The following CRYBG2 variants were observed in gnomAD, a reference collection of about 807,000 sequenced individuals.
CRYBG2 encodes crystallin beta-gamma domain containing 2, also known as beta/gamma crystallin domain-containing protein 2.
A neutral mutation model predicts 153.4 loss-of-function variants in CRYBG2; 106 were observed. The observed-to-expected ratio is 0.69, with a 90% CI of 0.59 to 0.81. The LOEUF (loss-of-function observed/expected upper bound fraction) is 0.81. Among genes scored for constraint, CRYBG2 ranks in the 30% least tolerant of loss-of-function variants. The pLI, the probability that CRYBG2 is intolerant of heterozygous loss-of-function variation, is 0.00. For synonymous variants in CRYBG2, 851 were observed against 877.8 expected (o/e 0.97, Z 0.54); for missense variants, 1,996 against 2,112.0 (o/e 0.95, Z 1.08).
chr1:26,342,513 C>T (rs552178228), intron 5 of CRYBG2, among the ~76,000 whole-genome samples: 1 of 152,286 alleles, frequency 6.6e-6, no homozygotes, highest in Admixed American at 6.5e-5. Context: ...AATTCTCCTG[C>T]CTCAGCCTCC....
In CRYBG2 at chr1:26,344,015, T is replaced by G. The variant is rs2074167614; in HGVS notation, c.2643A>C (p.Ala881=). The G allele has an allele frequency of 2.0e-6, 3 of 1,536,060 alleles. No individual in the cohort carries two copies. The African/African-American group carries it at 4.1e-5, about 21-fold the overall frequency. ...GCTCTGAGTGGGGGCCCTTGGTTCC[T>G]GCTACATGCTTCTTCATCATCTCCA... ...SPLEMMKKHV[A]GTKGPHSELG... Residue 881 remains alanine, a synonymous_variant, in exon 2 of 20, where the codon GCA becomes GCC. Coordinates refer to ENST00000308182, the MANE Select transcript of CRYBG2 (RefSeq NM_001039775.4).
rs371752661 is a variant in CRYBG2, at chr1:26,346,630, G to A, written c.28C>T (p.Arg10Trp). 6.2e-5 allele frequency: 97 copies of A among 1,555,210 alleles called. No homozygotes were observed. The highest frequency in any genetic ancestry group is 1.7e-4 in the Middle Eastern group (1 of 6,004). MEEAGGPMARAKARVVSATL... is the reference protein window; with the variant it reads MEEAGGPMAWAKARVVSATL... Reference sequence around the variant, plus strand: ...GCACTTACCACTCGGGCCTTGGCCCGGGCCATGGGCCCACCTGCCTCCTCC... The same window carrying A: ...GCACTTACCACTCGGGCCTTGGCCCAGGCCATGGGCCCACCTGCCTCCTCC... The change falls in exon 2 of 20, where the codon CGG becomes TGG. Residue 10 changes from arginine (R) to tryptophan (W), a missense_variant. Coordinates refer to ENST00000308182, the MANE Select transcript of CRYBG2 (RefSeq NM_001039775.4). The surrounding 1 kb of genome is among the most constrained non-coding windows in gnomAD (Gnocchi z 4.9).
intron 16 of CRYBG2, 49 bp from the exon 17 acceptor site, chr1:26,328,381 A>T (rs1383022471): frequency 6.5e-7 from 1 of 1,546,326 alleles, no homozygotes; most frequent in Non-Finnish European, 8.7e-7. Flanking sequence ...AGACACACAG[A>T]CAGACAGACA....
At chr1:26,348,978 G>A (rs1324180820) in intron 1 of CRYBG2, among the ~76,000 whole-genome samples, 2 of 151,992 alleles carry the variant, frequency 1.3e-5, no homozygotes, top group Non-Finnish European at 2.9e-5. Context: ...AGACCAGCCT[G>A]ACTAACGTGA....
At chr1:26,350,139 G>T (rs1411962828) in intron 1 of CRYBG2, among the ~76,000 whole-genome samples, 1 of 152,040 alleles carries the variant, frequency 6.6e-6, no homozygotes, top group Non-Finnish European at 1.5e-5. Flanking sequence ...ATAGGAAGAG[G>T]AAGGGACACC....
intron 1 of CRYBG2, among the ~76,000 whole-genome samples, chr1:26,351,261 C>T (rs1164859431): frequency 3.9e-5 from 6 of 152,190 alleles, no homozygotes; most frequent in Non-Finnish European, 8.8e-5. Flanking sequence ...CTCGCTGGGA[C>T]TCTGCCCAAA....
rs10751735 is a variant in CRYBG2 at position 26,336,871 on chromosome 1, C to T, written c.3881G>A (p.Ser1294Asn). 814,159 of 1,604,620 alleles carry T rather than the reference C, an allele frequency of 0.51. 211,231 individuals carry two copies. Among genetic ancestry groups the T allele is most frequent in the African/African-American group, 0.64 (47,988 of 74,756 alleles). ...GCTGAGCACGTGGATGGCCTGTGTG[C>T]TGGGGCCGTGTTGCACCAGCTCCAC... ...PDVELVQHGP[S>N]TQAIHVLSGV... is the part of the protein sequence containing the mutation. Residue 1294 changes from serine to asparagine, a missense_variant, in exon 11 of 20, where the codon AGC (serine) becomes AAC (asparagine). Physicochemically the swap from Ser to Asn is conservative, Grantham distance 46. Coordinates refer to ENST00000308182, the MANE Select transcript of CRYBG2 (RefSeq NM_001039775.4). The surrounding 1 kb of genome is among the most constrained non-coding windows in gnomAD (Gnocchi z 4.9).
chr1:26,352,691 C>G (rs1358665209), intron 1 of CRYBG2, among the ~76,000 whole-genome samples: 2 of 151,982 alleles, frequency 1.3e-5, no homozygotes, highest in Non-Finnish European at 2.9e-5. Flanking sequence ...CATTATCCAC[C>G]TGGGCCCAAA....
intron 5 of CRYBG2, 22 bp downstream of exon 5, chr1:26,342,732 C>T: frequency 4.3e-6 from 7 of 1,609,576 alleles, no homozygotes; most frequent in Non-Finnish European, 5.9e-6. Flanking sequence ...TCGAGGCCGT[C>T]TCCCACCTCC....
In CRYBG2 at chr1:26,339,277, A is replaced by G; in HGVS notation, c.3344+13T>C. 6.2e-7 allele frequency: 1 copy of G among 1,610,130 alleles called. No homozygotes were observed. The highest frequency in any genetic ancestry group is 8.5e-7 in the Non-Finnish European group (1 of 1,178,702). ...ATGTCAAATGAGGGGATTCTAGAAT[A>G]GACCAGACTCACAGTCCTGCAGAGA... On this transcript the variant is annotated intron_variant, in intron 6 of 19. Coordinates refer to ENST00000308182, the MANE Select transcript of CRYBG2 (RefSeq NM_001039775.4).
intron 17 of CRYBG2, 81 bp from the exon 18 acceptor site, chr1:26,324,391 C>G: frequency 7.1e-7 from 1 of 1,414,830 alleles, no homozygotes; most frequent in Non-Finnish European, 9.4e-7. Flanking sequence ...TCTGGACTCT[C>G]CAGTATCAGG....
At chr1:26,347,289 T>TTTG (rs2074235023) in intron 1 of CRYBG2, among the ~76,000 whole-genome samples, 1 of 131,328 alleles carries the variant, frequency 7.6e-6, no homozygotes, top group African/African-American at 2.9e-5. Flanking sequence ...CCTGCGTTTT[T>TTTG]TTTTTTTTTT....
chr1:26,334,813 C>T (rs2074035386), intron 14 of CRYBG2, among the ~76,000 whole-genome samples: 1 of 151,988 alleles, frequency 6.6e-6, no homozygotes, highest in African/African-American at 2.4e-5. Context: ...ATCCCAGCTA[C>T]TCAGGCGGCT....
intron 1 of CRYBG2, among the ~76,000 whole-genome samples, chr1:26,353,573 T>C (rs1416450192): frequency 5.9e-5 from 9 of 152,162 alleles, no homozygotes. Context: ...ACCCCCAGTC[T>C]CTGGAGTTCA....
At chr1:26,328,187 C>A in intron 17 of CRYBG2, 22 bp downstream of exon 17, 1 of 1,557,356 alleles carries the variant, frequency 6.4e-7, no homozygotes, top group East Asian at 2.4e-5. Context: ...CAGACACGCT[C>A]AGCTCCAGCC....
rs769268304 is a variant in CRYBG2 at position 26,324,294 on chromosome 1, C to T, written c.4595G>A (p.Arg1532His). The change falls in exon 18 of 20, where the codon CGC (arginine) becomes CAC (histidine). Residue 1532 changes from arginine (R) to histidine (H), a missense_variant. By Grantham distance (29) the Arg-to-His change is conservative. Coordinates refer to ENST00000308182, the MANE Select transcript of CRYBG2 (RefSeq NM_001039775.4). ...TCCCCCCAGTGCTGCATTCCAGAGG[C>T]GGAAATAAACCCGGCGCTGGTGGCA... ...YPIKQRRVYF[R>H]LWNAALGGFL... 7.5e-6 allele frequency: 12 copies of T among 1,607,570 alleles called. No individual in the cohort carries two copies. The highest frequency in any genetic ancestry group is 5.3e-5 in the African/African-American group (4 of 74,838).
chr1:26,337,442 C>G, intron 9 of CRYBG2, 63 bp from the exon 10 acceptor site: 1 of 1,600,964 alleles, frequency 6.2e-7, no homozygotes, highest in Non-Finnish European at 8.5e-7. Context: ...ATGAATGAGA[C>G]AGCTGTCCCC....
chr1:26,328,627 G>A, intron 16 of CRYBG2, 107 bp downstream of exon 16: 1 of 1,465,204 alleles, frequency 6.8e-7, no homozygotes, highest in Non-Finnish European at 9.1e-7. Flanking sequence ...AGGGGAGTGG[G>A]GGAAAAGTGG....
At chr1:26,332,507 T>C (rs1472838855) in intron 14 of CRYBG2, among the ~76,000 whole-genome samples, 2 of 150,822 alleles carry the variant, frequency 1.3e-5, no homozygotes, top group Non-Finnish European at 2.9e-5. Flanking sequence ...GTTGTTGTTA[T>C]TGTTGTTGTT....
Sources: gnomAD v4.1 joint callset for allele counts (sites outside exome capture counted in the v4.1 genomes callset) on GRCh38, gnomAD v4.1.1 for gene constraint, Gnocchi (gnomAD v3.1) non-coding constraint, MANE v1.5 for transcripts, NCBI Gene and HGNC (gene_info 2026-07-23, HGNC 2026-07-21) for gene names.